SGPP1: variants seen among roughly 807,000 people sequenced by gnomAD.
SGPP1 encodes the protein sphingosine-1-phosphate phosphatase 1, also known as hSPP1.
Under a neutral mutation model 33.0 loss-of-function variants are expected in SGPP1, and 21 were observed. The observed-to-expected ratio is 0.64, with a 90% CI of 0.45 to 0.92. The LOEUF (loss-of-function observed/expected upper bound fraction) is 0.92, where lower values mean the gene tolerates loss of function less well. Among genes scored for constraint, SGPP1 ranks in the 40% least tolerant of loss-of-function variants. The pLI is 0.00. For missense variants in SGPP1, 543 were observed against 589.4 expected, an observed-to-expected ratio of 0.92 and a Z score of 0.81; for synonymous variants, 239 against 241.2, an observed-to-expected ratio of 0.99 and a Z score of 0.08.
intron 2 of SGPP1, among the ~76,000 whole-genome samples, chr14:63,688,210 G>A (rs1466589006): frequency 1.3e-5 from 2 of 151,364 alleles, no homozygotes; most frequent in Non-Finnish European, 2.9e-5. Context: ...CAGCTACTCA[G>A]GAGGCTGAGG....
At chr14:63,724,616 TAA>T (rs34386504) in intron 1 of SGPP1, among the ~76,000 whole-genome samples, 19 of 84,994 alleles carry the variant, frequency 2.2e-4, no homozygotes, top group African/African-American at 4.7e-4. Flanking sequence ...CAAGGATCTT[TAA>T]AAAAAAAAAA....
At chr14:63,703,546 G>T (rs1357899175) in intron 1 of SGPP1, among the ~76,000 whole-genome samples, 1 of 151,382 alleles carries the variant, frequency 6.6e-6, no homozygotes, top group Non-Finnish European at 1.5e-5. Context: ...CCAGCTACTT[G>T]GGAGGCTGAA....
chr14:63,686,375 T>C lies in SGPP1; in HGVS notation c.1056A>G (p.Leu352=). The C allele has an allele frequency of 6.2e-7, 1 of 1,614,156 alleles. No individual in the cohort carries two copies. ...GAGTCACAGTAATGGGGGGCCCAGC[T>C]AAAGGTAATGTATCTAGAGAAGGAT... is the stretch of plus-strand genomic sequence containing the variant. ...VLDPSLDTLP[L]AGPPITVTLF... Residue 352 remains leucine, a synonymous_variant, in exon 3 of 3, where the codon TTA becomes TTG. Transcript: ENST00000247225.
chr14:63,716,555 T>A (rs147389849), intron 1 of SGPP1, among the ~76,000 whole-genome samples: 5,189 of 152,084 alleles, frequency 0.034, 288 homozygotes, highest in African/African-American at 0.12. Flanking sequence ...TAGCCAGGCA[T>A]GGTGGCACAC....
At chr14:63,726,955 A>C (rs1885894988) in intron 1 of SGPP1, among the ~76,000 whole-genome samples, 1 of 152,238 alleles carries the variant, frequency 6.6e-6, no homozygotes, top group African/African-American at 2.4e-5. Flanking sequence ...CAAGAATTAA[A>C]GCCGTTTAAA....
intron 2 of SGPP1, among the ~76,000 whole-genome samples, chr14:63,687,858 C>T (rs1057128818): frequency 6.6e-6 from 1 of 152,156 alleles, no homozygotes; most frequent in African/African-American, 2.4e-5. Flanking sequence ...CAGTGGCTCA[C>T]ACCTGTAATC....
rs951687802 is a variant in SGPP1, at chr14:63,727,252, G to A, written c.684+9C>T. 3 of 1,601,578 alleles carry A rather than the reference G, an allele frequency of 1.9e-6. No homozygotes were observed. Among genetic ancestry groups the A allele is most frequent in the Non-Finnish European group, 2.6e-6 (3 of 1,172,926 alleles). Reference sequence around the variant, plus strand: ...CCCCCAGGCTGAACAGGACGAGAAGGAACCCTACCTGCCAGCGGCCATAGG... The same window carrying A: ...CCCCCAGGCTGAACAGGACGAGAAGAAACCCTACCTGCCAGCGGCCATAGG... On this transcript the variant is annotated intron_variant, in intron 1 of 2. Coordinates refer to ENST00000247225, the MANE Select transcript of SGPP1 (RefSeq NM_030791.4).
At chr14:63,689,339 A>G (rs187823399) in intron 2 of SGPP1, among the ~76,000 whole-genome samples, 1 of 152,188 alleles carries the variant, frequency 6.6e-6, no homozygotes, top group East Asian at 1.9e-4. Context: ...GTTTGTAGAT[A>G]CCAGGTTTCA....
intron 1 of SGPP1, among the ~76,000 whole-genome samples, chr14:63,723,687 C>T (rs1352904168): frequency 6.6e-6 from 1 of 151,390 alleles, no homozygotes; most frequent in African/African-American, 2.4e-5. Flanking sequence ...CCACCACACT[C>T]CAGCCTGGGT....
Position 63,685,890 on chromosome 14 carries a change from A to G in SGPP1, c.*215T>C, listed in dbSNP as rs553512791. The G allele has an allele frequency of 2.1e-5, 7 of 334,916 alleles. No individual in the cohort carries two copies. The South Asian group carries it at 4.9e-4, about 23-fold the overall frequency. The allele number at this position is 334,916 out of a possible 1,614,324, so 20.7% of individuals were successfully genotyped here. The stretch of plus-strand genomic sequence containing the variant: ...CATTACATGAACATTCTAAATGGAT[A>G]CTTATCATTTTCTCAGTAACGAAAT... On this transcript the variant is annotated 3_prime_UTR_variant, in exon 3 of 3. Coordinates refer to ENST00000247225, the MANE Select transcript of SGPP1 (RefSeq NM_030791.4).
chr14:63,706,363 GT>G (rs1440859980), intron 1 of SGPP1, among the ~76,000 whole-genome samples: 1 of 152,112 alleles, frequency 6.6e-6, no homozygotes, highest in East Asian at 1.9e-4. Flanking sequence ...AACAACGGTT[GT>G]ACGACATTGT....
At chr14:63,687,267 C>A (rs960853965) in intron 2 of SGPP1, among the ~76,000 whole-genome samples, 5 of 151,878 alleles carry the variant, frequency 3.3e-5, no homozygotes, top group African/African-American at 1.2e-4. Context: ...ATAGTGAATC[C>A]CTGTCTCTAC....
chr14:63,716,718 G>C (rs1474654012), intron 1 of SGPP1, among the ~76,000 whole-genome samples: 1 of 149,350 alleles, frequency 6.7e-6, no homozygotes, highest in Non-Finnish European at 1.5e-5. Flanking sequence ...TTTTGAGATA[G>C]AGTCTCACGC....
At chr14:63,706,417 T>G (rs1286807186) in intron 1 of SGPP1, among the ~76,000 whole-genome samples, 3 of 152,126 alleles carry the variant, frequency 2.0e-5, no homozygotes, top group Non-Finnish European at 4.4e-5. Flanking sequence ...ATTATTAATT[T>G]TATGTAAGTT....
rs1187722841 is a variant in SGPP1, at chr14:63,715,509, CACTCTTGTGAAACTCA to C, written c.684+11736_684+11751del. ...CCCCCTTTTTTTTGAGCCGGAGTTTCACTCTTGTGAAACTCAGATCCATGAGAAAAGGGAAACAAAT... is the reference window on the plus strand; with the variant it reads ...CCCCCTTTTTTTTGAGCCGGAGTTTCGATCCATGAGAAAAGGGAAACAAAT... On this transcript the variant is annotated intron_variant, in intron 1 of 2. Coordinates refer to ENST00000247225, the MANE Select transcript of SGPP1 (RefSeq NM_030791.4). Among the ~76,000 whole-genome samples, 4 of 152,156 alleles carry C rather than the reference CACTCTTGTGAAACTCA, an allele frequency of 2.6e-5. No individual in the cohort carries two copies. In the East Asian group the frequency reaches 5.8e-4, roughly 22 times the overall value.
chr14:63,718,795 T>TG (rs1885684655), intron 1 of SGPP1, among the ~76,000 whole-genome samples: 1 of 149,632 alleles, frequency 6.7e-6, no homozygotes, highest in African/African-American at 2.5e-5. Flanking sequence ...ATAATCTAAG[T>TG]GAAAAAAAAT....
chr14:63,687,597 C>A (rs967999996), intron 2 of SGPP1, among the ~76,000 whole-genome samples: 1 of 152,188 alleles, frequency 6.6e-6, no homozygotes, highest in Admixed American at 6.5e-5. Flanking sequence ...GAGCACAGAT[C>A]TGATTCTAAA....
At position 63,726,841 on chromosome 14, in the gene SGPP1, T is replaced by C. The variant is rs542343448; in HGVS notation, c.684+420A>G. Among the ~76,000 whole-genome samples, 17 of 152,324 alleles carry C rather than the reference T, an allele frequency of 1.1e-4. No individual in the cohort carries two copies. In the South Asian group the frequency reaches 3.3e-3, roughly 30 times the overall value. On this transcript the variant is annotated intron_variant, in intron 1 of 2. Coordinates refer to ENST00000247225, the MANE Select transcript of SGPP1 (RefSeq NM_030791.4). ...TCACGGTAAAGCTAATGACTTTACC[T>C]CTTTCTGAAACAGTTTTAGGGAAGA...
At chr14:63,692,399 T>C (rs1885107854) in intron 2 of SGPP1, among the ~76,000 whole-genome samples, 1 of 152,206 alleles carries the variant, frequency 6.6e-6, no homozygotes, top group Admixed American at 6.5e-5. Context: ...AAAATTAACA[T>C]TTTGAGAATC....
Sources: gnomAD v4.1 joint callset for allele counts (sites outside exome capture counted in the v4.1 genomes callset) on GRCh38, gnomAD v4.1.1 for gene constraint, MANE v1.5 for transcripts, NCBI Gene and HGNC (gene_info 2026-07-23, HGNC 2026-07-21) for gene names.